Variants in CPNE4 observed in about 807,000 individuals in gnomAD.
The protein encoded by CPNE4 is copine-4.
Under a neutral mutation model 67.9 loss-of-function variants are expected in CPNE4, and 25 were observed. The ratio of observed to expected loss-of-function variants is 0.37; its 90% CI spans 0.27 to 0.51. The LOEUF (loss-of-function observed/expected upper bound fraction) is 0.51, where lower values mean the gene tolerates loss of function less well. Among genes scored for constraint, CPNE4 ranks in the 20% least tolerant of loss-of-function variants. CPNE4 has a pLI of 0.93. For synonymous variants in CPNE4, 242 were observed against 244.9 expected (o/e 0.99, Z 0.11); for missense variants, 464 against 690.8 (o/e 0.67, Z 3.68).
chr3:131,778,592 A>G (rs1028744934), intron 2 of CPNE4, among the ~76,000 whole-genome samples: 2 of 152,062 alleles, frequency 1.3e-5, no homozygotes, highest in African/African-American at 4.8e-5. Flanking sequence ...TTTTGTTTCA[A>G]CTCTACTATG....
intron 15 of CPNE4, among the ~76,000 whole-genome samples, chr3:131,541,403 T>C (rs1216476377): frequency 6.6e-6 from 1 of 152,164 alleles, no homozygotes; most frequent in Non-Finnish European, 1.5e-5. Context: ...TATGTCATAC[T>C]AGAGCATTGT....
At chr3:131,906,320 G>A (rs2088758097) in intron 1 of CPNE4, among the ~76,000 whole-genome samples, 1 of 151,134 alleles carries the variant, frequency 6.6e-6, no homozygotes, top group South Asian at 2.1e-4. Flanking sequence ...AGTTACATAT[G>A]TATACATGTG....
At chr3:131,567,420 A>T (rs1327532243) in intron 10 of CPNE4, among the ~76,000 whole-genome samples, 2 of 152,000 alleles carry the variant, frequency 1.3e-5, no homozygotes, top group African/African-American at 4.8e-5. Flanking sequence ...ATAGAAAAAA[A>T]CATATCAGAG....
At chr3:131,976,976 A>G (rs2107626802) in intron 1 of CPNE4, among the ~76,000 whole-genome samples, 1 of 151,804 alleles carries the variant, frequency 6.6e-6, no homozygotes, top group Admixed American at 6.6e-5. Context: ...TAATTTTTGT[A>G]TTTTTAGTAG....
At chr3:131,834,526 T>C (rs1253627609) in intron 2 of CPNE4, among the ~76,000 whole-genome samples, 1 of 152,096 alleles carries the variant, frequency 6.6e-6, no homozygotes, top group Admixed American at 6.5e-5. Flanking sequence ...TATGTGTTAG[T>C]AAAGAATCAC....
chr3:131,679,622 G>A (rs948482137), intron 6 of CPNE4, among the ~76,000 whole-genome samples: 1 of 152,070 alleles, frequency 6.6e-6, no homozygotes, highest in African/African-American at 2.4e-5. Flanking sequence ...ATTGTGGTAC[G>A]TTGTGTCTTT....
At chr3:131,538,451 G>T (rs947377964) in intron 15 of CPNE4, among the ~76,000 whole-genome samples, 3 of 152,174 alleles carry the variant, frequency 2.0e-5, no homozygotes, top group Admixed American at 6.5e-5. Context: ...AAAGGGTCAA[G>T]AATATGAATG....
intron 2 of CPNE4, among the ~76,000 whole-genome samples, chr3:131,801,411 T>C (rs2084112457): frequency 1.6e-5 from 1 of 61,936 alleles, no homozygotes; most frequent in South Asian, 8.9e-4. Flanking sequence ...TAGGTACATA[T>C]ATACGTGTGT....
At chr3:131,687,347 T>C (rs191813028) in intron 5 of CPNE4, among the ~76,000 whole-genome samples, 7 of 152,338 alleles carry the variant, frequency 4.6e-5, no homozygotes, top group Admixed American at 1.3e-4. Context: ...GCATTTTCCA[T>C]AGTGTCTAGA....
At chr3:131,981,415 G>A (rs2072907005) in intron 1 of CPNE4, among the ~76,000 whole-genome samples, 2 of 152,228 alleles carry the variant, frequency 1.3e-5, no homozygotes, top group South Asian at 2.1e-4. Flanking sequence ...CTGGAGTTGT[G>A]TATGTAGGCG....
At chr3:131,729,275 G>A (rs1047149412) in intron 2 of CPNE4, among the ~76,000 whole-genome samples, 1 of 152,094 alleles carries the variant, frequency 6.6e-6, no homozygotes, top group East Asian at 1.9e-4. Context: ...TAAATATTTT[G>A]TCAATATTTA....
chr3:131,783,764 G>A (rs2083484211), intron 2 of CPNE4, among the ~76,000 whole-genome samples: 2 of 151,912 alleles, frequency 1.3e-5, no homozygotes, highest in Admixed American at 6.6e-5. Context: ...CAGGAAAAAG[G>A]GGCAAAGCTG....
At chr3:131,734,169 A>G (rs1343890811) in intron 2 of CPNE4, among the ~76,000 whole-genome samples, 1 of 152,154 alleles carries the variant, frequency 6.6e-6, no homozygotes, top group Non-Finnish European at 1.5e-5. Flanking sequence ...ACCTTCTCCA[A>G]ATGCCACTGG....
At chr3:131,839,507 T>C (rs557323589) in intron 2 of CPNE4, among the ~76,000 whole-genome samples, 33 of 151,802 alleles carry the variant, frequency 2.2e-4, no homozygotes, top group Non-Finnish European at 4.1e-4. Context: ...TTTATATTTA[T>C]TAACATAGTG....
chr3:131,679,522 G>A (rs2080681133), intron 6 of CPNE4, among the ~76,000 whole-genome samples: 1 of 152,040 alleles, frequency 6.6e-6, no homozygotes, highest in South Asian at 2.1e-4. Flanking sequence ...GTGATGTTAG[G>A]TTGTTAACTT....
chr3:131,742,245 G>A (rs1430151217), intron 2 of CPNE4, among the ~76,000 whole-genome samples: 1 of 152,158 alleles, frequency 6.6e-6, no homozygotes, highest in East Asian at 1.9e-4. Context: ...ACAACAATAA[G>A]GCTGGATAAG....
intron 7 of CPNE4, among the ~76,000 whole-genome samples, chr3:131,654,735 G>T (rs1426363175): frequency 6.6e-6 from 1 of 152,192 alleles, no homozygotes; most frequent in Non-Finnish European, 1.5e-5. Context: ...AAGAAGGAGA[G>T]AGTAAAGATA....
chr3:131,981,057 T>C (rs6795050), intron 1 of CPNE4, among the ~76,000 whole-genome samples: 16,567 of 152,152 alleles, frequency 0.11, 2,991 homozygotes, highest in African/African-American at 0.37. Context: ...TCTATGGGTC[T>C]CTCAGTGGTG....
chr3:131,594,682 G>A (rs940598559), intron 7 of CPNE4, among the ~76,000 whole-genome samples: 3 of 152,130 alleles, frequency 2.0e-5, no homozygotes, highest in Admixed American at 6.5e-5. Flanking sequence ...GGTAATAAAA[G>A]CAAAAATAGA....
Sources: allele counts gnomAD v4.1 joint callset (sites outside exome capture counted in the v4.1 genomes callset), GRCh38; gene constraint gnomAD v4.1.1; transcripts MANE v1.5; gene names NCBI Gene and HGNC (gene_info 2026-07-23, HGNC 2026-07-21).